PSD3: variants seen among roughly 807,000 people sequenced by gnomAD.
PSD3 encodes pleckstrin and Sec7 domain containing 3, also known as PH and SEC7 domain-containing protein 3.
Under a neutral mutation model 105.5 loss-of-function variants are expected in PSD3, and 49 were observed. The ratio of observed to expected loss-of-function variants is 0.46; its 90% CI spans 0.37 to 0.59. The LOEUF (loss-of-function observed/expected upper bound fraction) is 0.59, where lower values mean the gene tolerates loss of function less well. PSD3 is among the 20% of genes least tolerant of loss of function. PSD3 has a pLI of 0.00. For missense variants in PSD3, 1,561 were observed against 1,263.8 expected, an observed-to-expected ratio of 1.24 and a Z score of -3.57; for synonymous variants, 557 against 457.8, an observed-to-expected ratio of 1.22 and a Z score of -2.77.
intron 1 of PSD3, chr8:19,001,067 C>T (rs1324651843): frequency 1.3e-5 from 2 of 150,648 alleles, no homozygotes; most frequent in East Asian, 2.0e-4. Flanking sequence ...AAACACAGTG[C>T]TAAATGCTTC....
At chr8:19,027,028 G>A (rs1210768885) in intron 1 of PSD3, among the ~76,000 whole-genome samples, 1 of 152,108 alleles carries the variant, frequency 6.6e-6, no homozygotes, top group African/African-American at 2.4e-5. Flanking sequence ...GAGAAATGTT[G>A]TAAACATTGT....
At chr8:18,949,177 G>A (rs1823048033) in intron 1 of PSD3, among the ~76,000 whole-genome samples, 1 of 122,932 alleles carries the variant, frequency 8.1e-6, no homozygotes, top group African/African-American at 3.1e-5. Context: ...AGCCGAGATT[G>A]TGCCACTGCA....
At position 18,546,224 on chromosome 8, in the gene PSD3, T is replaced by G. The variant is rs534346898; in HGVS notation, c.2928+9985A>C. 2.6e-5 allele frequency among the ~76,000 whole-genome samples: 4 copies of G among 152,268 alleles called. No homozygotes were observed. The South Asian group carries it at 8.3e-4, about 32-fold the overall frequency. On this transcript the variant is annotated intron_variant, in intron 15 of 15. Transcript: ENST00000327040. ...GTTCGCCATGCTGGTCTCGAACTCTTGACCTGAGATGACCCACCTGTCTCA... is the reference window on the plus strand; with the variant it reads ...GTTCGCCATGCTGGTCTCGAACTCTGGACCTGAGATGACCCACCTGTCTCA...
chr8:18,700,136 A>G (rs546812130), intron 9 of PSD3, among the ~76,000 whole-genome samples: 1 of 152,202 alleles, frequency 6.6e-6, no homozygotes, highest in Non-Finnish European at 1.5e-5. Context: ...ACCTGAAATT[A>G]GCAACCATCT....
chr8:18,732,232 C>T (rs868242132), intron 9 of PSD3, among the ~76,000 whole-genome samples: 1 of 151,900 alleles, frequency 6.6e-6, no homozygotes, highest in Non-Finnish European at 1.5e-5. Flanking sequence ...GAATGCCTAA[C>T]GAACTCGTAC....
intron 2 of PSD3, among the ~76,000 whole-genome samples, chr8:18,894,731 C>T (rs1432593528): frequency 1.3e-5 from 2 of 152,174 alleles, no homozygotes; most frequent in Non-Finnish European, 2.9e-5. Flanking sequence ...TCGCATCTGT[C>T]TTGACAATCG....
intron 11 of PSD3, among the ~76,000 whole-genome samples, chr8:18,609,065 A>G (rs1259689005): frequency 6.6e-6 from 1 of 152,178 alleles, no homozygotes; most frequent in Non-Finnish European, 1.5e-5. Context: ...ATAGAAAGAC[A>G]TAGTATGAGC....
chr8:18,895,887 T>C (rs145519402), intron 2 of PSD3, among the ~76,000 whole-genome samples: 358 of 152,370 alleles, frequency 2.3e-3, no homozygotes, highest in African/African-American at 8.2e-3. Flanking sequence ...TGCTATAGAA[T>C]ACTAGAACTT....
intron 4 of PSD3, among the ~76,000 whole-genome samples, chr8:18,805,492 G>A (rs1004070028): frequency 1.3e-5 from 2 of 152,112 alleles, no homozygotes; most frequent in Non-Finnish European, 2.9e-5. Flanking sequence ...TCAGATAATT[G>A]TGGATATTCT....
At chr8:18,948,807 T>A (rs1473960923) in intron 1 of PSD3, among the ~76,000 whole-genome samples, 2 of 152,138 alleles carry the variant, frequency 1.3e-5, no homozygotes, top group Non-Finnish European at 2.9e-5. Context: ...AAACATAATT[T>A]GTCACTTTGA....
rs537924316 is a variant in PSD3, at chr8:18,955,981, T to A, written c.22-19839A>T. On this transcript the variant is annotated intron_variant, in intron 1 of 15. Coordinates refer to ENST00000327040, the MANE Select transcript of PSD3 (RefSeq NM_015310.4). Reference sequence around the variant, plus strand: ...ATGAGTTTCACCATGTTGGCCAGGCTAGTCTCGAACCCCTGACCTCAGGTG... The same window carrying A: ...ATGAGTTTCACCATGTTGGCCAGGCAAGTCTCGAACCCCTGACCTCAGGTG... 4.6e-5 allele frequency among the ~76,000 whole-genome samples: 7 copies of A among 152,116 alleles called. No individual in the cohort carries two copies. The South Asian group carries it at 1.5e-3, about 32-fold the overall frequency.
intron 1 of PSD3, among the ~76,000 whole-genome samples, chr8:18,983,247 A>G (rs1825332302): frequency 6.6e-6 from 1 of 152,186 alleles, no homozygotes; most frequent in Non-Finnish European, 1.5e-5. Flanking sequence ...GCTCTGAATT[A>G]GGTTTTGTTT....
Position 18,649,508 on chromosome 8 carries a change from A to G in PSD3, c.2216+6134T>C, listed in dbSNP as rs1227151779. On this transcript the variant is annotated intron_variant, in intron 10 of 15. Transcript: ENST00000327040. Reference sequence around the variant, plus strand: ...GAGCAACTAATTTGTTTTTAATTTTACAGGCTCATAGGCACAAGGGACTAG... The same window carrying G: ...GAGCAACTAATTTGTTTTTAATTTTGCAGGCTCATAGGCACAAGGGACTAG... 3.2e-4 allele frequency among the ~76,000 whole-genome samples: 49 copies of G among 152,254 alleles called. 1 individual carries two copies. Among genetic ancestry groups the G allele is most frequent in the Non-Finnish European group, 2.6e-4 (18 of 68,022 alleles).
chr8:18,797,984 G>C (rs1234757153), intron 8 of PSD3, among the ~76,000 whole-genome samples: 1 of 152,092 alleles, frequency 6.6e-6, no homozygotes, highest in African/African-American at 2.4e-5. Context: ...AGGGTGCAAA[G>C]AGCAACTGTT....
chr8:18,561,812 T>C (rs908014088), intron 14 of PSD3, among the ~76,000 whole-genome samples: 2 of 152,212 alleles, frequency 1.3e-5, no homozygotes, highest in African/African-American at 4.8e-5. Flanking sequence ...ATTGCTTAAC[T>C]GATCAGGCAA....
At chr8:18,607,828 C>T (rs1254640242) in intron 11 of PSD3, among the ~76,000 whole-genome samples, 3 of 152,050 alleles carry the variant, frequency 2.0e-5, no homozygotes, top group Middle Eastern at 3.4e-3. Context: ...CTGGGGATGC[C>T]TCAGGAAATG....
chr8:18,823,999 G>A (rs987252500), intron 4 of PSD3, among the ~76,000 whole-genome samples: 6 of 151,942 alleles, frequency 3.9e-5, no homozygotes, highest in Non-Finnish European at 7.4e-5. Flanking sequence ...GGACAACACC[G>A]TGAGACCTTG....
intron 8 of PSD3, among the ~76,000 whole-genome samples, chr8:18,766,538 T>G (rs1397956452): frequency 6.6e-6 from 1 of 152,126 alleles, no homozygotes; most frequent in African/African-American, 2.4e-5. Context: ...ATGAAAAACA[T>G]GGGTAAAAAC....
chr8:18,750,207 C>T (rs1371319708), intron 9 of PSD3, among the ~76,000 whole-genome samples: 2 of 152,182 alleles, frequency 1.3e-5, no homozygotes, highest in African/African-American at 4.8e-5. Context: ...TTCTTGGTCT[C>T]ACTGACTTCA....
Sources: allele counts gnomAD v4.1 joint callset (sites outside exome capture counted in the v4.1 genomes callset), GRCh38; gene constraint gnomAD v4.1.1; transcripts MANE v1.5; gene names NCBI Gene and HGNC (gene_info 2026-07-23, HGNC 2026-07-21).